Variants in DIPK1A observed in about 807,000 individuals in gnomAD.
The protein encoded by DIPK1A is divergent protein kinase domain 1A.
Under a neutral mutation model 40.8 loss-of-function variants are expected in DIPK1A, and 27 were observed. The observed-to-expected ratio is 0.66, with a 90% CI of 0.49 to 0.91. DIPK1A has a LOEUF of 0.91. Ranked by LOEUF, DIPK1A falls within the 40% of genes least tolerant of loss-of-function variation. The pLI, the probability that DIPK1A is intolerant of heterozygous loss-of-function variation, is 0.00. For missense variants in DIPK1A, 412 were observed against 505.7 expected, an observed-to-expected ratio of 0.81 and a Z score of 1.78; for synonymous variants, 166 against 171.3, an observed-to-expected ratio of 0.97 and a Z score of 0.24.
At chr1:92,871,323 G>A (rs945585930) in intron 2 of DIPK1A, among the ~76,000 whole-genome samples, 7 of 151,840 alleles carry the variant, frequency 4.6e-5, no homozygotes, top group South Asian at 2.1e-4. Flanking sequence ...GCACCACCAC[G>A]CACGGCTAAT....
chr1:92,833,836 A>T (rs1687011895), intron 4 of DIPK1A: 1 of 616,702 alleles, frequency 1.6e-6, no homozygotes, highest in Non-Finnish European at 2.9e-6. Flanking sequence ...TACTTTAAAA[A>T]ATGCTCTTGG....
At position 92,961,436 on chromosome 1, in the gene DIPK1A, C is replaced by T. The variant is rs1243011704; in HGVS notation, c.-7G>A. The T allele has an allele frequency of 3.3e-6, 5 of 1,501,882 alleles. No homozygotes were observed. Among genetic ancestry groups the T allele is most frequent in the African/African-American group, 1.5e-5 (1 of 68,352 alleles). The allele number at this position is 1,501,882 out of a possible 1,614,324, so 93.0% of individuals were successfully genotyped here. ...GACAGAGACTCCTCGCCATGGTAATCACACATCGCCCCGCCGCGCTGCAGT... is the reference window on the plus strand; with the variant it reads ...GACAGAGACTCCTCGCCATGGTAATTACACATCGCCCCGCCGCGCTGCAGT... On this transcript the variant is annotated 5_prime_UTR_variant, in exon 1 of 5. Transcript: ENST00000370310.
At chr1:92,944,337 A>G (rs1308122334) in intron 1 of DIPK1A, among the ~76,000 whole-genome samples, 1 of 152,208 alleles carries the variant, frequency 6.6e-6, no homozygotes, top group Non-Finnish European at 1.5e-5. Context: ...CTGAGAAAGG[A>G]TCCAAGTCTT....
chr1:92,888,855 T>C (rs1274423623), intron 1 of DIPK1A, among the ~76,000 whole-genome samples: 1 of 152,212 alleles, frequency 6.6e-6, no homozygotes, highest in African/African-American at 2.4e-5. Flanking sequence ...CAGTTTTAAA[T>C]AGAATTATGT....
chr1:92,840,855 G>A (rs767410210), downstream of DIPK1A: 5 of 669,232 alleles, frequency 7.5e-6, no homozygotes, highest in South Asian at 7.1e-5. Context: ...TACAGTCTAA[G>A]TACTGGTTAC....
At chr1:92,833,096 A>G (rs1294174311) in intron 4 of DIPK1A, 1 of 705,368 alleles carries the variant, frequency 1.4e-6, no homozygotes, top group East Asian at 2.7e-5. Flanking sequence ...ATATAACAAT[A>G]ATTTTATACC....
chr1:92,902,491 A>G (rs575036484), intron 1 of DIPK1A, among the ~76,000 whole-genome samples: 9 of 152,310 alleles, frequency 5.9e-5, no homozygotes, highest in Non-Finnish European at 1.2e-4. Flanking sequence ...TGCAGTAGCC[A>G]TGAGGCCCAC....
chr1:92,893,081 G>A (rs1296563392), intron 1 of DIPK1A, among the ~76,000 whole-genome samples: 2 of 152,044 alleles, frequency 1.3e-5, no homozygotes, highest in Non-Finnish European at 2.9e-5. Flanking sequence ...ACACTCTGCA[G>A]GATATTATCG....
At chr1:92,881,603 G>A (rs1026674353) in intron 1 of DIPK1A, among the ~76,000 whole-genome samples, 1 of 152,180 alleles carries the variant, frequency 6.6e-6, no homozygotes, top group East Asian at 1.9e-4. Flanking sequence ...ATTGCATGGG[G>A]TGACTCTCAA....
Position 92,843,644 on chromosome 1 carries a change from A to G in DIPK1A, c.1026T>C (p.Asp342=). Residue 342 remains aspartate, a synonymous_variant, in exon 5 of 5, where the codon GAT becomes GAC. Transcript: ENST00000370310. The stretch of plus-strand genomic sequence containing the variant: ...TACTCTGATCACAGCTAGTTCTACA[A>G]TCTGTGCCATAGACACAGTCCAAAT... ...ESDLDCVYGT[D]CRTSCDQSTM... is the part of the protein sequence containing the mutation. The G allele has an allele frequency of 6.4e-7, 1 of 1,551,772 alleles. No homozygotes were observed. The highest frequency in any genetic ancestry group is 8.7e-7 in the Non-Finnish European group (1 of 1,146,996).
chr1:92,839,920 A>AAT (rs1213468020), downstream of DIPK1A, among the ~76,000 whole-genome samples: 5 of 151,776 alleles, frequency 3.3e-5, no homozygotes, highest in Admixed American at 6.6e-5. Context: ...AGCTCATTGC[A>AAT]ACTTCAGACT....
chr1:92,836,641 A>G (rs1687141189), intron 4 of DIPK1A: 1 of 506,154 alleles, frequency 2.0e-6, no homozygotes, highest in Admixed American at 3.2e-5. Context: ...TGGGATTGAA[A>G]CCACTACCTT....
intron 1 of DIPK1A, among the ~76,000 whole-genome samples, chr1:92,929,594 C>T (rs769284048): frequency 4.8e-4 from 52 of 109,004 alleles, no homozygotes; most frequent in Non-Finnish European, 7.9e-4. Context: ...GGGGCAAGTT[C>T]CTTCCTTTCA....
intron 1 of DIPK1A, among the ~76,000 whole-genome samples, chr1:92,909,418 T>G (rs1188817370): frequency 1.3e-5 from 2 of 152,184 alleles, no homozygotes; most frequent in East Asian, 3.8e-4. Flanking sequence ...CCAGGCTGGT[T>G]CTCCGATGCC....
At chr1:92,863,127 T>C (rs1647353373) in intron 2 of DIPK1A, among the ~76,000 whole-genome samples, 4 of 152,260 alleles carry the variant, frequency 2.6e-5, no homozygotes, top group Admixed American at 2.6e-4. Flanking sequence ...GTCTCACTTA[T>C]GTGCTCCTCC....
intron 1 of DIPK1A, among the ~76,000 whole-genome samples, chr1:92,955,698 A>G (rs2100921760): frequency 7.1e-6 from 1 of 140,500 alleles, no homozygotes; most frequent in Middle Eastern, 3.7e-3. Flanking sequence ...ACTCTGTCTC[A>G]AAAAAAAAAA....
rs11417383 is a variant in DIPK1A, at chr1:92,835,660, C to CAAA, written c.475-2629_475-2627dup. 8.4e-4 allele frequency among the ~76,000 whole-genome samples: 103 copies of CAAA among 123,312 alleles called. 1 individual carries two copies. Among genetic ancestry groups the CAAA allele is most frequent in the Middle Eastern group, 4.0e-3 (1 of 248 alleles). The allele number at this position is 123,312 out of a possible 152,430, so 80.9% of individuals were successfully genotyped here. A position where few individuals can be genotyped will look rare whatever the true frequency, so the allele number is the denominator to read the frequency against. ...GGGCAACAAGAGCGAAACTGTGTCT[C>CAAA]AAAAAAAAAAAAAAAAAAATGAGAA... On this transcript the variant is annotated intron_variant, in intron 4 of 4. Coordinates refer to the DIPK1A transcript ENST00000615519.
At chr1:92,929,073 G>A (rs1650639903) in intron 1 of DIPK1A, among the ~76,000 whole-genome samples, 1 of 152,130 alleles carries the variant, frequency 6.6e-6, no homozygotes, top group Non-Finnish European at 1.5e-5. Flanking sequence ...TATTTATAAT[G>A]ACTGCTTTAA....
chr1:92,841,738 A>T, downstream of DIPK1A: 1 of 1,485,500 alleles, frequency 6.7e-7, no homozygotes, highest in South Asian at 1.2e-5. Context: ...GTTATAGTTT[A>T]AAAAATATAT....
Sources: allele counts gnomAD v4.1 joint callset (sites outside exome capture counted in the v4.1 genomes callset), GRCh38; gene constraint gnomAD v4.1.1; transcripts MANE v1.5; gene names NCBI Gene and HGNC (gene_info 2026-07-23, HGNC 2026-07-21).